Variants in ATXN3 observed in about 807,000 individuals in gnomAD.
ATXN3 encodes ataxin-3.
Under a neutral mutation model 58.2 loss-of-function variants are expected in ATXN3, and 28 were observed. That is an observed-to-expected ratio of 0.48 (90% confidence interval 0.36 to 0.66). The LOEUF is 0.66. ATXN3 is among the 30% of genes least tolerant of loss of function. The pLI is 0.00. For missense variants in ATXN3, 321 were observed against 422.1 expected, an observed-to-expected ratio of 0.76 and a Z score of 2.10; for synonymous variants, 113 against 138.5, an observed-to-expected ratio of 0.82 and a Z score of 1.29.
chr14:92,103,687 C>T (rs1392110690), intron 1 of ATXN3, among the ~76,000 whole-genome samples: 2 of 152,202 alleles, frequency 1.3e-5, no homozygotes, highest in East Asian at 3.8e-4. Flanking sequence ...CTCTCTCAGG[C>T]ACTGCAGATA....
rs146356399 is a variant in ATXN3 at position 92,106,321 on chromosome 14, C to T, written c.24+208G>A. 4.8e-3 allele frequency among the ~76,000 whole-genome samples: 733 copies of T among 152,136 alleles called. 7 individuals are homozygous for T. Among genetic ancestry groups the T allele is most frequent in the African/African-American group, 0.017 (702 of 41,518 alleles). On this transcript the variant is annotated intron_variant, in intron 1 of 10. Coordinates refer to ENST00000644486, the MANE Select transcript of ATXN3 (RefSeq NM_004993.6). ...CCCGCCCATACTCCCTCCCGGCTCC[C>T]AGGGCGGGGGCCGCGGGGGAAGTAG...
At chr14:92,067,372 C>G (rs891692333) in intron 10 of ATXN3, among the ~76,000 whole-genome samples, 3 of 152,062 alleles carry the variant, frequency 2.0e-5, no homozygotes, top group African/African-American at 7.2e-5. Flanking sequence ...TTTTTTTCAG[C>G]CCCACCCTTT....
intron 6 of ATXN3, among the ~76,000 whole-genome samples, chr14:92,085,871 A>G (rs1003748261): frequency 3.3e-5 from 5 of 152,202 alleles, no homozygotes; most frequent in African/African-American, 1.2e-4. Context: ...AAGGAATCTG[A>G]AAAGTGCAGG....
At chr14:92,105,382 C>T (rs1596082721) in intron 1 of ATXN3, among the ~76,000 whole-genome samples, 1 of 152,292 alleles carries the variant, frequency 6.6e-6, no homozygotes, top group East Asian at 1.9e-4. Context: ...CTCCATTGCA[C>T]ACCTGCCTGG....
downstream of ATXN3, among the ~76,000 whole-genome samples, chr14:92,053,813 G>C (rs1299445424): frequency 6.6e-6 from 1 of 151,808 alleles, no homozygotes; most frequent in Non-Finnish European, 1.5e-5. Flanking sequence ...TTCTCTTTCT[G>C]ATTGCTGGGC....
At chr14:92,074,836 T>C (rs147033585) in intron 9 of ATXN3, among the ~76,000 whole-genome samples, 8 of 152,356 alleles carry the variant, frequency 5.3e-5, no homozygotes, top group African/African-American at 1.7e-4. Flanking sequence ...TGTCTCTCCT[T>C]GTTATAGAAC....
intron 9 of ATXN3, among the ~76,000 whole-genome samples, chr14:92,074,487 T>C (rs1483679784): frequency 6.6e-6 from 1 of 152,206 alleles, no homozygotes; most frequent in African/African-American, 2.4e-5. Flanking sequence ...CTCTAGGCAA[T>C]TGTGGTGGCA....
At chr14:92,074,849 T>C (rs149589054) in intron 9 of ATXN3, among the ~76,000 whole-genome samples, 3 of 152,212 alleles carry the variant, frequency 2.0e-5, no homozygotes, top group African/African-American at 7.2e-5. Flanking sequence ...TATAGAACAT[T>C]TGCAACTTAT....
chr14:92,071,234 CT>C, intron 9 of ATXN3, 181 bp from the exon 10 acceptor site: 2 of 977,128 alleles, frequency 2.0e-6, no homozygotes, highest in Non-Finnish European at 3.1e-6. Context: ...AAGTGCTGAT[CT>C]TAGGAAATCT....
At chr14:92,072,303 T>C (rs540969159) in intron 9 of ATXN3, among the ~76,000 whole-genome samples, 20 of 152,240 alleles carry the variant, frequency 1.3e-4, no homozygotes, top group Non-Finnish European at 2.4e-4. Flanking sequence ...GAAAGGCCAA[T>C]AATTGGGGAA....
chr14:92,077,108 A>C lies in ATXN3; in HGVS notation c.872+3857T>G, dbSNP rs1349010558. ...ACTAGAAGAAATGATAAGACATTTG[A>C]GGTGTAGAGGCAATATAAGAATTGT... On this transcript the variant is annotated intron_variant, in intron 9 of 10. Transcript: ENST00000644486. Among the ~76,000 whole-genome samples, 5 of 152,220 alleles carry C rather than the reference A, an allele frequency of 3.3e-5. No homozygotes were observed. The East Asian group carries it at 9.6e-4, about 29-fold the overall frequency.
intron 3 of ATXN3, among the ~76,000 whole-genome samples, chr14:92,095,671 T>C (rs2065038059): frequency 6.6e-6 from 1 of 151,670 alleles, no homozygotes; most frequent in African/African-American, 2.4e-5. Flanking sequence ...TCTAGTACTC[T>C]AGTTGGCCAG....
intron 1 of ATXN3, 77 bp from the exon 2 acceptor site, chr14:92,096,915 T>C (rs1053408935): frequency 1.5e-6 from 2 of 1,374,564 alleles, no homozygotes; most frequent in African/African-American, 2.9e-5. Context: ...AAATAATTTT[T>C]TTTTTTTTTT....
Position 92,060,452 on chromosome 14 carries a change from T to C in ATXN3, c.*3868A>G, listed in dbSNP as rs1595442673. On this transcript the variant is annotated 3_prime_UTR_variant, in exon 11 of 11. Coordinates refer to ENST00000644486, the MANE Select transcript of ATXN3 (RefSeq NM_004993.6). ...TTTTGTATTTTTAGTAGAAACGAGG[T>C]TTCACCATGTTGCCCAGACTGGTCT... is the stretch of plus-strand genomic sequence containing the variant. 1 of 150,838 alleles carries C rather than the reference T, an allele frequency of 6.6e-6. No homozygotes were observed. Among genetic ancestry groups the C allele is most frequent in the African/African-American group, 2.4e-5 (1 of 40,968 alleles). The allele number at this position is 150,838 out of a possible 1,614,324, so 9.3% of individuals were successfully genotyped here. A position where few individuals can be genotyped will look rare whatever the true frequency, so the allele number is the denominator to read the frequency against.
chr14:92,070,661 G>T, intron 10 of ATXN3: 1 of 810,336 alleles, frequency 1.2e-6, no homozygotes, highest in Non-Finnish European at 1.9e-6. Context: ...TTATGTTAAA[G>T]TATTCATTAA....
At chr14:92,092,576 A>C (rs1188211616) in intron 5 of ATXN3, among the ~76,000 whole-genome samples, 1 of 152,212 alleles carries the variant, frequency 6.6e-6, no homozygotes, top group African/African-American at 2.4e-5. Context: ...GCTAAATACA[A>C]ATCTATAAAT....
intron 1 of ATXN3, among the ~76,000 whole-genome samples, chr14:92,098,417 G>A (rs929886261): frequency 2.6e-5 from 4 of 152,002 alleles, no homozygotes; most frequent in South Asian, 2.1e-4. Context: ...GTGAAACCTC[G>A]TCTCTACTAA....
At chr14:92,069,287 T>C (rs1013620565) in intron 10 of ATXN3, among the ~76,000 whole-genome samples, 6 of 151,622 alleles carry the variant, frequency 4.0e-5, no homozygotes, top group Non-Finnish European at 7.4e-5. Flanking sequence ...GCCAGGCTGG[T>C]CTTGAACTCC....
chr14:92,069,658 C>T (rs1436693906), intron 10 of ATXN3, among the ~76,000 whole-genome samples: 1 of 152,218 alleles, frequency 6.6e-6, no homozygotes, highest in Admixed American at 6.5e-5. Flanking sequence ...AGGCATGGGC[C>T]ACCATGCCTG....
Sources: allele counts gnomAD v4.1 joint callset (sites outside exome capture counted in the v4.1 genomes callset), GRCh38; gene constraint gnomAD v4.1.1; transcripts MANE v1.5; gene names NCBI Gene and HGNC (gene_info 2026-07-23, HGNC 2026-07-21).